TECTA: variants seen among roughly 807,000 people sequenced by gnomAD.
The protein encoded by TECTA is tectorin alpha, also known as alpha-tectorin.
TECTA carries 128 observed loss-of-function variants against 216.8 expected under a neutral mutation model. The ratio of observed to expected loss-of-function variants is 0.59; its 90% CI spans 0.51 to 0.68. The LOEUF (loss-of-function observed/expected upper bound fraction) is 0.68. Ranked by LOEUF, TECTA falls within the 30% of genes least tolerant of loss-of-function variation. The pLI is 0.00. For missense variants in TECTA, 2,551 were observed against 2,786.2 expected (o/e 0.92, Z 1.90); for synonymous variants, 1,089 against 1,117.1 (o/e 0.97, Z 0.50).
chr11:121,128,651 C>T (rs760990007), intron 9 of TECTA, among the ~76,000 whole-genome samples: 96 of 152,204 alleles, frequency 6.3e-4, no homozygotes, highest in Non-Finnish European at 1.1e-3. Flanking sequence ...TATCACACTT[C>T]ATCTTATGAT....
chr11:121,111,993 C>A (rs1372136164), intron 4 of TECTA, among the ~76,000 whole-genome samples: 1 of 152,156 alleles, frequency 6.6e-6, no homozygotes, highest in African/African-American at 2.4e-5. Flanking sequence ...TCCTCTACCC[C>A]AGTTTGATTA....
In TECTA at chr11:121,145,936, G is replaced by A. The variant is rs727504621; in HGVS notation, c.3925G>A (p.Ala1309Thr). Residue 1309 changes from alanine (A) to threonine (T), a missense_variant, in exon 12 of 24, where the codon GCT (alanine) becomes ACT (threonine). Around this residue, in one of 3 missense-constraint regions of TECTA, gnomAD observed 2,375 missense variants for 2,563.9 expected, o/e 0.93. Transcript: ENST00000392793. The stretch of plus-strand genomic sequence containing the variant: ...GTGCAGCCTGATCCCCAACCAGAAC[G>A]CTGCCTTCTCCAAGTGTCACAGCAA... ...QLCSLIPNQNAAFSKCHSKVN... is the reference protein window; with the variant it reads ...QLCSLIPNQNTAFSKCHSKVN... The A allele has an allele frequency of 9.3e-6, 15 of 1,614,232 alleles. No homozygotes were observed. In the Admixed American group the frequency reaches 1.5e-4, roughly 16 times the overall value.
intron 20 of TECTA, among the ~76,000 whole-genome samples, chr11:121,169,861 G>A (rs1302748687): frequency 6.6e-6 from 1 of 152,056 alleles, no homozygotes; most frequent in Admixed American, 6.6e-5. Flanking sequence ...CCTTTGTGTG[G>A]GGCATTTCAA....
In TECTA at chr11:121,190,876, T is replaced by C; in HGVS notation, c.*70T>C. On this transcript the variant is annotated 3_prime_UTR_variant, in exon 24 of 24. Coordinates refer to ENST00000392793, the MANE Select transcript of TECTA (RefSeq NM_005422.4). Reference sequence around the variant, plus strand: ...AACACCCTGTAGGATAAAAAGTGTGTGCCCTTAAGTCAAAACCTATTTGAA... The same window carrying C: ...AACACCCTGTAGGATAAAAAGTGTGCGCCCTTAAGTCAAAACCTATTTGAA... 8.4e-7 allele frequency: 1 copy of C among 1,196,800 alleles called. No individual in the cohort carries two copies. The highest frequency in any genetic ancestry group is 1.2e-6 in the Non-Finnish European group (1 of 827,400). The allele number at this position is 1,196,800 out of a possible 1,614,324, so 74.1% of individuals were successfully genotyped here.
chr11:121,185,091 T>G (rs530259751), intron 20 of TECTA, among the ~76,000 whole-genome samples: 2 of 152,246 alleles, frequency 1.3e-5, no homozygotes, highest in African/African-American at 4.8e-5. Flanking sequence ...AGAGGGAGAG[T>G]GAGCCGGAGA....
At chr11:121,162,902 T>C (rs973915901) in intron 16 of TECTA, among the ~76,000 whole-genome samples, 1 of 152,218 alleles carries the variant, frequency 6.6e-6, no homozygotes, top group Non-Finnish European at 1.5e-5. Context: ...TGTGGGGTTT[T>C]TTCTGTAGTA....
chr11:121,160,526 C>G (rs1237175793), intron 15 of TECTA, 105 bp downstream of exon 15: 1 of 1,485,812 alleles, frequency 6.7e-7, no homozygotes, highest in East Asian at 2.3e-5. Flanking sequence ...TGCCCCTGCT[C>G]TCCTACAGAG....
chr11:121,145,707 C>T lies in TECTA; in HGVS notation c.3696C>T (p.Ser1232=). 1 of 1,614,230 alleles carries T rather than the reference C, an allele frequency of 6.2e-7. No homozygotes were observed. Among genetic ancestry groups the T allele is most frequent in the Non-Finnish European group, 8.5e-7 (1 of 1,180,034 alleles). ...KTFLSITVPR[S]MQNSTYGLCG... ...TCCTGTCCATCACAGTCCCTCGGAG[C>T]ATGCAGAACAGCACCTATGGTCTGT... The change falls in exon 12 of 24, where the codon AGC becomes AGT. Residue 1232 remains serine, a synonymous_variant. Coordinates refer to ENST00000392793, the MANE Select transcript of TECTA (RefSeq NM_005422.4).
Position 121,113,248 on chromosome 11 carries a change from C to T in TECTA, c.624+39C>T, listed in dbSNP as rs766943563. The T allele has an allele frequency of 9.9e-6, 16 of 1,613,274 alleles. No homozygotes were observed. The highest frequency in any genetic ancestry group is 1.4e-5 in the Non-Finnish European group (16 of 1,179,978). ...CACTTCATCCCCCGCGTGTTTCCGT[C>T]GCTGCACTCTCTGCTTCTGTGGCTC... On this transcript the variant is annotated intron_variant, in intron 5 of 23. Coordinates refer to ENST00000392793, the MANE Select transcript of TECTA (RefSeq NM_005422.4). This position sits in a 1 kb window ranked among gnomAD's most constrained non-coding sequence, Gnocchi z 4.2.
intron 8 of TECTA, among the ~76,000 whole-genome samples, chr11:121,126,918 A>G (rs562485970): frequency 3.3e-5 from 5 of 152,352 alleles, no homozygotes; most frequent in African/African-American, 4.8e-5. Flanking sequence ...AAATGTTACA[A>G]TGGCCACAGA....
chr11:121,146,216 T>C, intron 12 of TECTA, 100 bp downstream of exon 12: 2 of 1,420,072 alleles, frequency 1.4e-6, no homozygotes, highest in East Asian at 4.7e-5. Context: ...GCAAATTGAG[T>C]AGCAATTTAA....
At chr11:121,144,630 A>G (rs1241664635) in intron 11 of TECTA, among the ~76,000 whole-genome samples, 1 of 152,228 alleles carries the variant, frequency 6.6e-6, no homozygotes, top group Admixed American at 6.5e-5. Flanking sequence ...CTCTGAATCA[A>G]AATAGTTCAA....
chr11:121,172,625 T>C (rs2134201294), intron 20 of TECTA, among the ~76,000 whole-genome samples: 1 of 151,794 alleles, frequency 6.6e-6, no homozygotes, highest in East Asian at 1.9e-4. Context: ...TCTTTGCTAT[T>C]GTGAATAGTG....
At chr11:121,115,694 GAC>G (rs1565518917) in intron 6 of TECTA, among the ~76,000 whole-genome samples, 1 of 152,110 alleles carries the variant, frequency 6.6e-6, no homozygotes, top group South Asian at 2.1e-4. Context: ...CTGTCACCCA[GAC>G]TGGCTAGAGA....
intron 6 of TECTA, among the ~76,000 whole-genome samples, chr11:121,116,570 C>T (rs905698477): frequency 1.3e-5 from 2 of 152,184 alleles, no homozygotes; most frequent in African/African-American, 2.4e-5. Flanking sequence ...GTTTCATATA[C>T]GGGATGATTT....
chr11:121,137,636 G>A lies in TECTA; in HGVS notation c.3157G>A (p.Val1053Met), dbSNP rs1221240209. ...HQLATNETFW[V>M]DLDCQIFCYC... ...ACTTGCCACCAATGAGACCTTCTGG[G>A]TGGACCTGGACTGCCAGATCTTCTG... Residue 1053 changes from valine to methionine, a missense_variant, in exon 11 of 24, where the codon GTG (valine) becomes ATG (methionine). By Grantham distance (21) the Val-to-Met change is conservative (BLOSUM62 1). Coordinates refer to ENST00000392793, the MANE Select transcript of TECTA (RefSeq NM_005422.4). 6.2e-7 allele frequency: 1 copy of A among 1,614,066 alleles called. No homozygotes were observed. Among genetic ancestry groups the A allele is most frequent in the Admixed American group, 1.7e-5 (1 of 60,014 alleles).
intron 20 of TECTA, among the ~76,000 whole-genome samples, chr11:121,182,884 A>T (rs1947244361): frequency 6.6e-6 from 1 of 152,132 alleles, no homozygotes; most frequent in Non-Finnish European, 1.5e-5. Flanking sequence ...GCCTGTCCTC[A>T]GGCCCCATGA....
intron 20 of TECTA, among the ~76,000 whole-genome samples, chr11:121,180,993 C>T (rs1034807755): frequency 1.1e-4 from 17 of 151,956 alleles, no homozygotes; most frequent in Non-Finnish European, 2.4e-4. Flanking sequence ...CAGTGAAACC[C>T]TGTCTCTACT....
At chr11:121,181,683 A>G (rs527628358) in intron 20 of TECTA, among the ~76,000 whole-genome samples, 6 of 152,164 alleles carry the variant, frequency 3.9e-5, no homozygotes, top group Admixed American at 2.6e-4. Flanking sequence ...TGGTCAAGCT[A>G]TCTCAAACTC....
Sources: allele counts gnomAD v4.1 joint callset (sites outside exome capture counted in the v4.1 genomes callset), GRCh38; gene constraint gnomAD v4.1.1; regional missense constraint gnomAD v4.1.1; non-coding constraint Gnocchi (gnomAD v3.1); transcripts MANE v1.5; gene names NCBI Gene and HGNC (gene_info 2026-07-23, HGNC 2026-07-21).